Variants in LCORL observed in about 807,000 individuals in gnomAD.
LCORL encodes ligand-dependent nuclear receptor corepressor-like protein.
A neutral mutation model predicts 141.8 loss-of-function variants in LCORL; 41 were observed. The observed-to-expected ratio is 0.29, with a 90% CI of 0.23 to 0.38. LCORL has a LOEUF of 0.38. Among genes scored for constraint, LCORL ranks in the 10% least tolerant of loss-of-function variants. The pLI, the probability that LCORL is intolerant of heterozygous loss-of-function variation, is 1.00. For synonymous variants in LCORL, 618 were observed against 694.1 expected (o/e 0.89, Z 1.72); for missense variants, 1,759 against 2,035.0 (o/e 0.86, Z 2.61).
At chr4:17,912,964 GT>G in intron 4 of LCORL, 1 of 442,970 alleles carries the variant, frequency 2.3e-6, no homozygotes, top group Non-Finnish European at 4.4e-6. Flanking sequence ...TGACACCAAA[GT>G]TCTAAAACAT....
intron 5 of LCORL, among the ~76,000 whole-genome samples, chr4:17,891,887 A>G (rs1339682039): frequency 1.3e-5 from 2 of 152,192 alleles, no homozygotes. Flanking sequence ...GCATGCACAT[A>G]CCTAGGTATG....
intron 7 of LCORL, among the ~76,000 whole-genome samples, chr4:17,866,274 AG>A (rs1725638204): frequency 6.6e-6 from 1 of 152,194 alleles, no homozygotes; most frequent in Non-Finnish European, 1.5e-5. Flanking sequence ...CCATTTGCTC[AG>A]GGAACTCTTC....
intron 1 of LCORL, among the ~76,000 whole-genome samples, chr4:17,999,528 T>C (rs571937297): frequency 7.9e-5 from 12 of 152,202 alleles, no homozygotes; most frequent in Admixed American, 6.5e-4. Context: ...TATAAACTTA[T>C]GGGACCACCC....
At chr4:17,859,937 T>C (rs1459642612) in intron 7 of LCORL, among the ~76,000 whole-genome samples, 2 of 152,210 alleles carry the variant, frequency 1.3e-5, no homozygotes, top group Non-Finnish European at 2.9e-5. Context: ...GAAAGTTCTC[T>C]ACAAGGAGAA....
rs565057098 is a variant in LCORL at position 17,888,053 on chromosome 4, C to G, written c.683-1892G>C. ...TTACAGTATTTAGTGGGTTGTAATG[C>G]TAGTTGTTCATATACCCACCAGTGC... On this transcript the variant is annotated intron_variant, in intron 5 of 7. Coordinates refer to ENST00000635767, the Ensembl canonical transcript of LCORL. 3.3e-5 allele frequency among the ~76,000 whole-genome samples: 5 copies of G among 152,190 alleles called. No individual in the cohort carries two copies. The South Asian group carries it at 1.0e-3, about 32-fold the overall frequency.
intron 1 of LCORL, among the ~76,000 whole-genome samples, chr4:17,985,473 G>A (rs1280329224): frequency 2.0e-5 from 3 of 152,112 alleles, no homozygotes; most frequent in Admixed American, 1.3e-4. Context: ...TATATATCTA[G>A]AATAGTTAGG....
intron 4 of LCORL, among the ~76,000 whole-genome samples, chr4:17,961,193 T>C (rs1309535159): frequency 6.6e-6 from 1 of 151,954 alleles, no homozygotes; most frequent in African/African-American, 2.4e-5. Context: ...CATAACTTAA[T>C]CCAAAGGTCC....
Position 17,958,591 on chromosome 4 carries a change from T to C in LCORL, c.430+3312A>G, listed in dbSNP as rs189005332. Among the ~76,000 whole-genome samples, 37 of 152,114 alleles carry C rather than the reference T, an allele frequency of 2.4e-4. No homozygotes were observed. The East Asian group carries it at 5.0e-3, about 21-fold the overall frequency. On this transcript the variant is annotated intron_variant, in intron 4 of 7. Transcript: ENST00000635767. ...ATGTTTATCAACATTCCAAACAAACTGGCTGATATTCAAACTATACACAGT... is the reference window on the plus strand; with the variant it reads ...ATGTTTATCAACATTCCAAACAAACCGGCTGATATTCAAACTATACACAGT...
At chr4:17,961,849 C>A in intron 4 of LCORL, 54 bp downstream of exon 4, 2 of 1,518,918 alleles carry the variant, frequency 1.3e-6, no homozygotes. Flanking sequence ...AAAAAAATTC[C>A]AACATTTTAC....
exon 7 of LCORL, chr4:17,874,905 T>G: frequency 8.1e-6 from 10 of 1,233,794 alleles, no homozygotes; most frequent in Non-Finnish European, 1.0e-5. Flanking sequence ...CAAATGCAGT[T>G]TATATGATTT....
In LCORL at chr4:17,877,043, T is replaced by G. The variant is rs191780555; in HGVS notation, c.1947A>C (p.Lys649Asn). ...TGTTTTGTGTCAATTTCCTTGAACTTTTTTCGGTGTATTTTTTTCTTGTAA... is the reference window on the plus strand; with the variant it reads ...TGTTTTGTGTCAATTTCCTTGAACTGTTTTCGGTGTATTTTTTTCTTGTAA... Residue 649 changes from lysine to asparagine, a missense_variant, in exon 7 of 8, where the codon AAA (lysine) becomes AAC (asparagine). Coordinates refer to ENST00000635767, the Ensembl canonical transcript of LCORL. 2.3e-4 allele frequency: 285 copies of G among 1,230,728 alleles called. 1 individual carries two copies. The East Asian group carries it at 7.9e-3, about 34-fold the overall frequency. The allele number at this position is 1,230,728 out of a possible 1,614,324, so 76.2% of individuals were successfully genotyped here. A position where few individuals can be genotyped will look rare whatever the true frequency, so the allele number is the denominator to read the frequency against.
chr4:17,897,470 G>T (rs527628436), intron 5 of LCORL, among the ~76,000 whole-genome samples: 3 of 151,444 alleles, frequency 2.0e-5, no homozygotes, highest in South Asian at 2.1e-4. Flanking sequence ...CATTCTTCAA[G>T]AATTTTCTTT....
intron 7 of LCORL, among the ~76,000 whole-genome samples, chr4:17,871,864 C>A (rs879794799): frequency 3.3e-5 from 5 of 151,800 alleles, no homozygotes; most frequent in Non-Finnish European, 5.9e-5. Context: ...CTTTGGCCAA[C>A]CTTTAAAATT....
intron 4 of LCORL, among the ~76,000 whole-genome samples, chr4:17,943,876 G>C (rs2109494018): frequency 6.6e-6 from 1 of 152,218 alleles, no homozygotes; most frequent in South Asian, 2.1e-4. Flanking sequence ...AAGAAAACTT[G>C]CCAGACCCAT....
chr4:17,884,011 T>C lies in LCORL; in HGVS notation c.776+2057A>G. 1 of 1,550,916 alleles carries C rather than the reference T, an allele frequency of 6.4e-7. No homozygotes were observed. On this transcript the variant is annotated intron_variant, in intron 6 of 7. Transcript: ENST00000635767. The surrounding 1 kb of genome is among the most constrained non-coding windows in gnomAD (Gnocchi z 4.4). ...GCTGCTTACTGTCTTTTCGATCTAA[T>C]CCATCTTCAGTATTTTCAGAGGTTC...
intron 4 of LCORL, among the ~76,000 whole-genome samples, chr4:17,948,654 G>A (rs1475458254): frequency 6.6e-6 from 1 of 151,900 alleles, no homozygotes; most frequent in Admixed American, 6.6e-5. Flanking sequence ...GTTGTTCAGG[G>A]AGAATGCATA....
intron 1 of LCORL, among the ~76,000 whole-genome samples, chr4:18,017,708 C>T (rs1162493577): frequency 6.6e-6 from 1 of 151,878 alleles, no homozygotes; most frequent in Non-Finnish European, 1.5e-5. Context: ...ACATAATTAC[C>T]AAATGTAATG....
intron 1 of LCORL, among the ~76,000 whole-genome samples, chr4:17,999,637 A>G (rs984961223): frequency 2.4e-4 from 36 of 152,334 alleles, no homozygotes; most frequent in African/African-American, 7.5e-4. Flanking sequence ...AGGCAAAAGA[A>G]ACTCAAAAGC....
chr4:17,999,730 T>C (rs977524002), intron 1 of LCORL, among the ~76,000 whole-genome samples: 2 of 152,190 alleles, frequency 1.3e-5, no homozygotes, highest in African/African-American at 4.8e-5. Flanking sequence ...GAAATTGTTT[T>C]AAGGACACTA....
Sources: allele counts gnomAD v4.1 joint callset (sites outside exome capture counted in the v4.1 genomes callset), GRCh38; gene constraint gnomAD v4.1.1; non-coding constraint Gnocchi (gnomAD v3.1); transcripts MANE v1.5; gene names NCBI Gene and HGNC (gene_info 2026-07-23, HGNC 2026-07-21).